The following TRPC4AP variants were observed in gnomAD, a reference collection of about 807,000 sequenced individuals.
TRPC4AP encodes short transient receptor potential channel 4-associated protein.
TRPC4AP carries 45 observed loss-of-function variants against 99.0 expected under a neutral mutation model. The ratio of observed to expected loss-of-function variants is 0.45; its 90% confidence interval spans 0.36 to 0.58. TRPC4AP has a LOEUF of 0.58. Ranked by LOEUF, TRPC4AP falls within the 20% of genes least tolerant of loss-of-function variation. The pLI is 0.00. For synonymous variants in TRPC4AP, 408 were observed against 385.8 expected, an observed-to-expected ratio of 1.06 and a Z score of -0.67; for missense variants, 879 against 985.3, an observed-to-expected ratio of 0.89 and a Z score of 1.44.
intron 8 of TRPC4AP, among the ~76,000 whole-genome samples, chr20:35,029,203 C>T (rs905958031): frequency 6.6e-6 from 1 of 152,152 alleles, no homozygotes; most frequent in Non-Finnish European, 1.5e-5. Context: ...GTGAGCTGAT[C>T]GTGCCACTGC....
chr20:35,005,809 C>T lies in TRPC4AP; in HGVS notation c.1828-6G>A, dbSNP rs1266461094. On this transcript the variant is annotated splice_region_variant and splice_polypyrimidine_tract_variant and intron_variant, in intron 15 of 18. Transcript: ENST00000252015. ...TGCTTCAGGAATACCTGGAACTATA[C>T]AGAAACCAAGCTCACAGCAGGCAGT... The T allele has an allele frequency of 3.7e-6, 6 of 1,613,738 alleles. No homozygotes were observed. Among genetic ancestry groups the T allele is most frequent in the Non-Finnish European group, 1.7e-6 (2 of 1,179,760 alleles).
rs778795335 is a variant in TRPC4AP at position 35,084,021 on chromosome 20, C to T, written c.169-5847G>A. Among the ~76,000 whole-genome samples the T allele has an allele frequency of 3.3e-5, 5 of 151,604 alleles. No homozygotes were observed. In the South Asian group the frequency reaches 8.3e-4, roughly 25 times the overall value. Reference sequence around the variant, plus strand: ...AATTATAAGTATACAGAAAGCAGGCCGGGCGCGGTGGCTCACACCTGTAAT... The same window carrying T: ...AATTATAAGTATACAGAAAGCAGGCTGGGCGCGGTGGCTCACACCTGTAAT... On this transcript the variant is annotated intron_variant, in intron 1 of 18. Transcript: ENST00000252015.
intron 3 of TRPC4AP, among the ~76,000 whole-genome samples, chr20:35,062,016 T>C (rs539483300): frequency 3.3e-5 from 5 of 152,268 alleles, no homozygotes; most frequent in Admixed American, 2.6e-4. Flanking sequence ...AGAAAGCAGA[T>C]GAACAGACAT....
intron 8 of TRPC4AP, among the ~76,000 whole-genome samples, chr20:35,024,902 T>A (rs1049897767): frequency 6.6e-6 from 1 of 150,480 alleles, no homozygotes; most frequent in Admixed American, 6.7e-5. Context: ...GTTGTTTCCA[T>A]ATTTTGGCTG....
chr20:35,080,396 G>A (rs1334703563), intron 1 of TRPC4AP, among the ~76,000 whole-genome samples: 1 of 151,988 alleles, frequency 6.6e-6, no homozygotes, highest in African/African-American at 2.4e-5. Flanking sequence ...AGCTACTCGG[G>A]AGGCTGAGGT....
intron 2 of TRPC4AP, 151 bp from the exon 3 acceptor site, chr20:35,069,563 T>C: frequency 1.7e-6 from 1 of 582,122 alleles, no homozygotes; most frequent in South Asian, 2.3e-5. Context: ...TTCAGGCCCC[T>C]GTAAAGCCCC....
chr20:35,021,696 T>C (rs769761798), intron 8 of TRPC4AP, among the ~76,000 whole-genome samples: 1 of 152,220 alleles, frequency 6.6e-6, no homozygotes, highest in African/African-American at 2.4e-5. Context: ...GGCAGATGTA[T>C]GACAGCAAAT....
chr20:35,020,753 T>C (rs1600525189), intron 9 of TRPC4AP, among the ~76,000 whole-genome samples: 2 of 152,140 alleles, frequency 1.3e-5, no homozygotes, highest in African/African-American at 4.8e-5. Context: ...TGGAACTACT[T>C]CAAGGCTCAG....
intron 8 of TRPC4AP, among the ~76,000 whole-genome samples, chr20:35,031,159 A>G (rs1276195621): frequency 6.6e-6 from 1 of 152,028 alleles, no homozygotes; most frequent in Admixed American, 6.5e-5. Flanking sequence ...GTCAGCCACT[A>G]ATCTTATTGG....
intron 8 of TRPC4AP, among the ~76,000 whole-genome samples, chr20:35,029,627 T>A (rs1476102619): frequency 1.6e-5 from 2 of 126,100 alleles, no homozygotes; most frequent in African/African-American, 3.0e-5. Flanking sequence ...CAAGTTACTT[T>A]CTTTTTTTTT....
chr20:35,046,518 C>T (rs745819828), intron 6 of TRPC4AP, among the ~76,000 whole-genome samples: 5 of 152,158 alleles, frequency 3.3e-5, no homozygotes, highest in Non-Finnish European at 4.4e-5. Flanking sequence ...TTGATGAAGG[C>T]ATATATCCTA....
chr20:35,025,107 C>T (rs1391251748), intron 8 of TRPC4AP, among the ~76,000 whole-genome samples: 1 of 152,118 alleles, frequency 6.6e-6, no homozygotes, highest in Non-Finnish European at 1.5e-5. Flanking sequence ...TGACTGAGGG[C>T]TCTGATTTCT....
chr20:35,003,567 C>T lies in TRPC4AP; in HGVS notation c.2099G>A (p.Arg700Gln), dbSNP rs753810636. 2.5e-6 allele frequency: 4 copies of T among 1,613,940 alleles called. No individual in the cohort carries two copies. Among genetic ancestry groups the T allele is most frequent in the East Asian group, 2.2e-5 (1 of 44,866 alleles). Residue 700 changes from arginine (R) to glutamine (Q), a missense_variant, in exon 18 of 19, where the codon CGA becomes CAA. By Grantham distance (43) the Arg-to-Gln change is conservative. Coordinates refer to ENST00000252015, the MANE Select transcript of TRPC4AP (RefSeq NM_015638.3). ...NTSLVILMLARRKERLPLYLR... is the reference protein window; with the variant it reads ...NTSLVILMLAQRKERLPLYLR... Reference sequence around the variant, plus strand: ...GTACAGGGGCAGCCGCTCTTTCCGTCGGGCCAGCATCAGGATCACCAGGCT... The same window carrying T: ...GTACAGGGGCAGCCGCTCTTTCCGTTGGGCCAGCATCAGGATCACCAGGCT...
chr20:35,025,863 T>C (rs562333802), intron 8 of TRPC4AP, among the ~76,000 whole-genome samples: 1 of 152,342 alleles, frequency 6.6e-6, no homozygotes, highest in South Asian at 2.1e-4. Flanking sequence ...AAATCCAAGG[T>C]CATGAAGCTT....
At chr20:35,034,486 T>C (rs1039526641) in intron 8 of TRPC4AP, among the ~76,000 whole-genome samples, 4 of 152,118 alleles carry the variant, frequency 2.6e-5, no homozygotes, top group African/African-American at 9.7e-5. Context: ...CTCTTTGCCA[T>C]ACTCACCGAG....
At chr20:35,025,648 A>G (rs2083011592) in intron 8 of TRPC4AP, among the ~76,000 whole-genome samples, 1 of 152,142 alleles carries the variant, frequency 6.6e-6, no homozygotes, top group Admixed American at 6.6e-5. Flanking sequence ...TTCTAGATAC[A>G]AATCCCTTAT....
At chr20:35,054,091 C>T (rs1309252795) in intron 5 of TRPC4AP, among the ~76,000 whole-genome samples, 1 of 152,108 alleles carries the variant, frequency 6.6e-6, no homozygotes, top group Non-Finnish European at 1.5e-5. Flanking sequence ...TTCTTTCTTA[C>T]CTGCTTCTAA....
At chr20:35,064,684 C>T (rs118147534) in intron 3 of TRPC4AP, among the ~76,000 whole-genome samples, 1 of 152,234 alleles carries the variant, frequency 6.6e-6, no homozygotes, top group Non-Finnish European at 1.5e-5. Flanking sequence ...TGAAAACTGC[C>T]CTGAACATAT....
intron 7 of TRPC4AP, among the ~76,000 whole-genome samples, chr20:35,041,749 C>T (rs1346369384): frequency 6.6e-6 from 1 of 152,124 alleles, no homozygotes; most frequent in Non-Finnish European, 1.5e-5. Context: ...AAATGGGAAA[C>T]TAAAAGATGA....
Sources: gnomAD v4.1 joint callset for allele counts (sites outside exome capture counted in the v4.1 genomes callset) on GRCh38, gnomAD v4.1.1 for gene constraint, MANE v1.5 for transcripts, NCBI Gene and HGNC (gene_info 2026-07-23, HGNC 2026-07-21) for gene names.